The following ADGRV1 variants were observed in gnomAD, a reference collection of about 807,000 sequenced individuals.
ADGRV1 encodes adhesion G protein-coupled receptor V1, also known as G-protein coupled receptor 98.
ADGRV1 carries 359 observed loss-of-function variants against 596.2 expected under a neutral mutation model. That is an observed-to-expected ratio of 0.60 (90% CI 0.55 to 0.66). The LOEUF (loss-of-function observed/expected upper bound fraction) is 0.66, where lower values mean the gene tolerates loss of function less well. Ranked by LOEUF, ADGRV1 falls within the 30% of genes least tolerant of loss-of-function variation. The pLI, the probability that ADGRV1 is intolerant of heterozygous loss-of-function variation, is 0.00. For missense variants in ADGRV1, 7,274 were observed against 7,575.6 expected, an observed-to-expected ratio of 0.96 and a Z score of 1.48; for synonymous variants, 2,681 against 2,679.2, an observed-to-expected ratio of 1.00 and a Z score of -0.02.
Position 91,065,659 on chromosome 5 carries a change from C to G in ADGRV1, c.18153-6788C>G, listed in dbSNP as rs372143046. 4.1e-4 allele frequency among the ~76,000 whole-genome samples: 62 copies of G among 152,190 alleles called. 1 individual carries two copies. The South Asian group carries it at 0.011, about 28-fold the overall frequency. ...ATAAAGAAGTTGAAATACTCCATGC[C>G]GCCCACATAAAATTTTTTTAAATCA... On this transcript the variant is annotated intron_variant, in intron 85 of 89. Coordinates refer to ENST00000405460, the MANE Select transcript of ADGRV1 (RefSeq NM_032119.4).
Position 90,627,715 on chromosome 5 carries a change from C to G in ADGRV1, c.1177C>G (p.Leu393Val). The G allele has an allele frequency of 1.2e-6, 2 of 1,602,562 alleles. No individual in the cohort carries two copies. The highest frequency in any genetic ancestry group is 1.1e-5 in the South Asian group (1 of 88,678). ...IKPNDKPYGV[L>V]SFNSVLFERT... ...GCCAAATGATAAACCTTATGGAGTC[C>G]TTTCATTCAACAGTGTTTTGTTTGA... is the stretch of plus-strand genomic sequence containing the variant. Residue 393 changes from leucine to valine, a missense_variant, in exon 7 of 90, where the codon CTT (leucine) becomes GTT (valine). Physicochemically the swap from Leu to Val is conservative, Grantham distance 32. Coordinates refer to ENST00000405460, the MANE Select transcript of ADGRV1 (RefSeq NM_032119.4).
chr5:90,644,011 T>C, intron 14 of ADGRV1, 28 bp downstream of exon 14: 1 of 1,389,458 alleles, frequency 7.2e-7, no homozygotes, highest in Non-Finnish European at 9.7e-7. Context: ...TTATATTGTA[T>C]TTCTGTTTAC....
At chr5:90,863,643 G>A (rs879123611) in intron 82 of ADGRV1, 114 bp from the exon 83 acceptor site, 5 of 763,154 alleles carry the variant, frequency 6.6e-6, no homozygotes, top group African/African-American at 3.4e-5. Context: ...GAGGTACTGG[G>A]CAGAGGCAGG....
chr5:91,040,505 A>G (rs189634701), intron 85 of ADGRV1, among the ~76,000 whole-genome samples: 31 of 152,302 alleles, frequency 2.0e-4, no homozygotes, highest in Non-Finnish European at 1.5e-4. Flanking sequence ...GTTAATTTGC[A>G]TTTCACTTAG....
chr5:91,110,937 C>T (rs1304261465), intron 87 of ADGRV1, among the ~76,000 whole-genome samples: 1 of 152,092 alleles, frequency 6.6e-6, no homozygotes, highest in Non-Finnish European at 1.5e-5. Flanking sequence ...CGAGATGTTC[C>T]CTGGCACGTT....
At chr5:90,793,310 C>G (rs116622509) in intron 70 of ADGRV1, 8 of 152,250 alleles carry the variant, frequency 5.3e-5, no homozygotes, top group African/African-American at 1.7e-4. Flanking sequence ...TTGTGTAACT[C>G]GAAACATTTT....
At chr5:90,609,796 G>A (rs1484046303) in intron 1 of ADGRV1, among the ~76,000 whole-genome samples, 1 of 151,934 alleles carries the variant, frequency 6.6e-6, no homozygotes, top group Admixed American at 6.6e-5. Context: ...AAGCTAATAA[G>A]GTCAATGCGT....
At chr5:91,012,410 C>A (rs1782795941) in intron 85 of ADGRV1, among the ~76,000 whole-genome samples, 2 of 152,030 alleles carry the variant, frequency 1.3e-5, no homozygotes, top group South Asian at 4.1e-4. Flanking sequence ...AAATCATATT[C>A]TTTAGACCTT....
intron 1 of ADGRV1, among the ~76,000 whole-genome samples, chr5:90,583,387 G>A (rs1379059871): frequency 6.6e-6 from 1 of 151,592 alleles, no homozygotes; most frequent in Non-Finnish European, 1.5e-5. Flanking sequence ...AAAAAACATT[G>A]AGCTGGCAAT....
At chr5:91,073,917 T>C (rs929105531) in intron 86 of ADGRV1, among the ~76,000 whole-genome samples, 8 of 152,180 alleles carry the variant, frequency 5.3e-5, no homozygotes, top group Non-Finnish European at 1.0e-4. Flanking sequence ...AGGCTGGTCT[T>C]GAACTCCTGA....
intron 75 of ADGRV1, among the ~76,000 whole-genome samples, chr5:90,819,004 T>C (rs1763199899): frequency 1.3e-5 from 2 of 152,172 alleles, no homozygotes; most frequent in African/African-American, 2.4e-5. Flanking sequence ...CAGTTCCTCC[T>C]TGTACCTCTG....
At chr5:91,057,225 AGT>A (rs1400651373) in intron 85 of ADGRV1, among the ~76,000 whole-genome samples, 3 of 152,244 alleles carry the variant, frequency 2.0e-5, no homozygotes, top group East Asian at 1.9e-4. Context: ...TTGAATTTTC[AGT>A]GTGTTTTTAA....
rs560662070 is a variant in ADGRV1, at chr5:90,675,174, G to A, written c.5111-69G>A. The A allele has an allele frequency of 5.0e-5, 66 of 1,319,892 alleles. No individual in the cohort carries two copies. In the African/African-American group the frequency reaches 8.2e-4, roughly 16 times the overall value. 81.8% of individuals were successfully genotyped at this position (1,319,892 alleles called of 1,614,324 possible). On this transcript the variant is annotated intron_variant, in intron 23 of 89. Transcript: ENST00000405460. ...GTGATCAAAATAATTGTGTAAGATC[G>A]CTTTAATTGAATAAGAAATTCTTGC...
Position 90,651,713 on chromosome 5 carries a change from A to C in ADGRV1, c.3399A>C (p.Gly1133=). The C allele has an allele frequency of 6.2e-7, 1 of 1,611,844 alleles. No homozygotes were observed. The highest frequency in any genetic ancestry group is 8.5e-7 in the Non-Finnish European group (1 of 1,178,372). ...CCATAGACAAAGCAGTGGAAGAAGG[A>C]AAGACTAATGCATTTTGGTAAGCAT... ...LEPIDKAVEE[G]KTNAFWILRH... is the part of the protein sequence containing the mutation. Residue 1133 remains glycine (G), a synonymous_variant, in exon 18 of 90, where the codon GGA becomes GGC. Transcript: ENST00000405460.
intron 5 of ADGRV1, among the ~76,000 whole-genome samples, chr5:90,622,933 G>T (rs1417484572): frequency 6.6e-6 from 1 of 152,052 alleles, no homozygotes; most frequent in Non-Finnish European, 1.5e-5. Context: ...TAGAGACAGG[G>T]TGTCACCATG....
intron 85 of ADGRV1, among the ~76,000 whole-genome samples, chr5:91,055,270 T>A (rs1379675594): frequency 6.6e-6 from 1 of 151,026 alleles, no homozygotes; most frequent in African/African-American, 2.4e-5. Flanking sequence ...ATATATATAT[T>A]AACCAAACAT....
intron 85 of ADGRV1, among the ~76,000 whole-genome samples, chr5:91,014,430 GA>G (rs1417677289): frequency 6.6e-6 from 1 of 151,884 alleles, no homozygotes; most frequent in Non-Finnish European, 1.5e-5. Flanking sequence ...CAATTTTTTT[GA>G]ATAGTTTCAA....
rs761315479 is a variant in ADGRV1, at chr5:90,783,371, T to G, written c.13433+46T>G. 4.7e-6 allele frequency: 6 copies of G among 1,281,700 alleles called. No individual in the cohort carries two copies. The African/African-American group carries it at 8.8e-5, about 19-fold the overall frequency. 79.4% of individuals were successfully genotyped at this position (1,281,700 alleles called of 1,614,324 possible). A position where few individuals can be genotyped will look rare whatever the true frequency, so the allele number is the denominator to read the frequency against. ...GTGGGCACATATAAGACATAAGTAT[T>G]GTGTTCAAACTCTTACATATGTTTT... On this transcript the variant is annotated intron_variant, in intron 66 of 89. Coordinates refer to ENST00000405460, the MANE Select transcript of ADGRV1 (RefSeq NM_032119.4).
intron 29 of ADGRV1, among the ~76,000 whole-genome samples, 177 bp downstream of exon 29, chr5:90,686,172 G>A (rs1200075649): frequency 5.3e-5 from 8 of 150,042 alleles, no homozygotes; most frequent in Non-Finnish European, 8.9e-5. Flanking sequence ...TGGGGGGGGG[G>A]ATGGAGTCTC....
Sources: allele counts gnomAD v4.1 joint callset (sites outside exome capture counted in the v4.1 genomes callset), GRCh38; gene constraint gnomAD v4.1.1; transcripts MANE v1.5; gene names NCBI Gene and HGNC (gene_info 2026-07-23, HGNC 2026-07-21).